USP25: variants seen among roughly 807,000 people sequenced by gnomAD.
USP25 encodes ubiquitin carboxyl-terminal hydrolase 25.
A neutral mutation model predicts 158.5 loss-of-function variants in USP25; 85 were observed. The observed-to-expected ratio is 0.54, with a 90% CI of 0.45 to 0.64. The LOEUF (loss-of-function observed/expected upper bound fraction) is 0.64, where lower values mean the gene tolerates loss of function less well. Among genes scored for constraint, USP25 ranks in the 30% least tolerant of loss-of-function variants. USP25 has a pLI of 0.00. For missense variants in USP25, 1,242 were observed against 1,327.3 expected (o/e 0.94, Z 1.00); for synonymous variants, 464 against 460.4 (o/e 1.01, Z -0.10).
chr21:15,828,994 T>G (rs1466518382), intron 14 of USP25, among the ~76,000 whole-genome samples: 1 of 152,142 alleles, frequency 6.6e-6, no homozygotes, highest in African/African-American at 2.4e-5. Context: ...CTCAGGATAT[T>G]TTTTTTCTTT....
intron 17 of USP25, among the ~76,000 whole-genome samples, chr21:15,834,533 G>A (rs1393709224): frequency 6.6e-6 from 1 of 151,778 alleles, no homozygotes; most frequent in African/African-American, 2.4e-5. Context: ...AGGTTTCCTT[G>A]CAGCATTACC....
chr21:15,831,727 G>A (rs1330635862), intron 16 of USP25, 98 bp downstream of exon 16: 1 of 1,009,546 alleles, frequency 9.9e-7, no homozygotes, highest in Non-Finnish European at 1.5e-6. Flanking sequence ...AGACGATGAA[G>A]GATGTGGTTA....
chr21:15,758,247 G>C (rs2033512253), intron 1 of USP25, among the ~76,000 whole-genome samples: 1 of 152,268 alleles, frequency 6.6e-6, no homozygotes, highest in South Asian at 2.1e-4. Flanking sequence ...GTATTAGTCT[G>C]TTCTCACGCT....
chr21:15,760,054 A>T (rs1349404294), intron 1 of USP25, among the ~76,000 whole-genome samples: 7 of 152,236 alleles, frequency 4.6e-5, no homozygotes, highest in Non-Finnish European at 1.0e-4. Flanking sequence ...GTGGCATGGC[A>T]GACACTGCCA....
chr21:15,877,547 C>G (rs1300480124), intron 24 of USP25: 1 of 296,598 alleles, frequency 3.4e-6, no homozygotes, highest in African/African-American at 2.2e-5. Flanking sequence ...ATAAGCCAAA[C>G]ATGACTGAAA....
chr21:15,775,505 C>CA (rs2034588209), intron 3 of USP25, among the ~76,000 whole-genome samples: 1 of 152,110 alleles, frequency 6.6e-6, no homozygotes, highest in Non-Finnish European at 1.5e-5. Context: ...GCCTCTTGGA[C>CA]TACTGAGTTC....
intron 17 of USP25, 80 bp downstream of exon 17, chr21:15,833,628 A>G: frequency 6.2e-6 from 8 of 1,286,374 alleles, no homozygotes; most frequent in Non-Finnish European, 8.6e-6. Context: ...AAAAAGTTTT[A>G]GCTATCTTAA....
chr21:15,869,486 A>G (rs1442943790), intron 22 of USP25, among the ~76,000 whole-genome samples: 4 of 152,026 alleles, frequency 2.6e-5, no homozygotes, highest in Admixed American at 6.6e-5. Flanking sequence ...TACATGCCCT[A>G]TAGTTGTTTT....
intron 10 of USP25, among the ~76,000 whole-genome samples, chr21:15,820,915 G>A (rs2037199526): frequency 1.3e-5 from 2 of 151,880 alleles, no homozygotes; most frequent in African/African-American, 4.8e-5. Flanking sequence ...TTTAAATTTT[G>A]TGGATGATAT....
At chr21:15,785,407 A>C (rs1192675225) in intron 4 of USP25, among the ~76,000 whole-genome samples, 2 of 152,192 alleles carry the variant, frequency 1.3e-5, no homozygotes, top group African/African-American at 4.8e-5. Context: ...CAGAATACAC[A>C]TTCTTTTCAA....
In USP25 at chr21:15,798,028, A is replaced by G. The variant is rs142781827; in HGVS notation, c.556-1729A>G. 4.5e-4 allele frequency among the ~76,000 whole-genome samples: 68 copies of G among 151,388 alleles called. No individual in the cohort carries two copies. The East Asian group carries it at 0.012, about 27-fold the overall frequency. On this transcript the variant is annotated intron_variant, in intron 5 of 25. Coordinates refer to ENST00000400183, the MANE Select transcript of USP25 (RefSeq NM_001283041.3). ...TTCAGTAATATCTGTGGTTTCCGGT[A>G]TTCAGAGGAGATTTTGGAATGTATC...
Position 15,878,551 on chromosome 21 carries a change from C to T in USP25, c.*76C>T, listed in dbSNP as rs1409347572. 5 of 1,453,582 alleles carry T rather than the reference C, an allele frequency of 3.4e-6. No individual in the cohort carries two copies. The highest frequency in any genetic ancestry group is 3.7e-6 in the Non-Finnish European group (4 of 1,085,390). 90.0% of individuals were successfully genotyped at this position (1,453,582 alleles called of 1,614,324 possible). On this transcript the variant is annotated 3_prime_UTR_variant, in exon 26 of 26. Transcript: ENST00000400183. ...CCTTGCCTTCCTGTCACAGGGTTTG[C>T]TTGTTGCTGCTATAGTTTTTAACTT...
intron 22 of USP25, among the ~76,000 whole-genome samples, chr21:15,867,365 A>G (rs1265438622): frequency 2.0e-5 from 3 of 152,110 alleles, no homozygotes; most frequent in Admixed American, 6.5e-5. Context: ...GGAAGAGGAA[A>G]GAGAGAGAAA....
At chr21:15,754,098 G>A (rs2033216633) in intron 1 of USP25, among the ~76,000 whole-genome samples, 1 of 152,154 alleles carries the variant, frequency 6.6e-6, no homozygotes, top group Non-Finnish European at 1.5e-5. Context: ...CAAAAGGACA[G>A]TTTTTCAAGG....
At chr21:15,801,281 A>G (rs2036121217) in intron 6 of USP25, among the ~76,000 whole-genome samples, 1 of 151,550 alleles carries the variant, frequency 6.6e-6, no homozygotes, top group Admixed American at 6.6e-5. Flanking sequence ...TATTTAAAAA[A>G]CAGTTGCTAT....
At chr21:15,793,146 A>T (rs1311124154) in intron 5 of USP25, among the ~76,000 whole-genome samples, 2 of 151,790 alleles carry the variant, frequency 1.3e-5, no homozygotes, top group East Asian at 1.9e-4. Context: ...GGTCAAGTAG[A>T]TGCTATCTCA....
chr21:15,789,921 CT>C (rs2035500014), intron 4 of USP25, among the ~76,000 whole-genome samples: 1 of 151,906 alleles, frequency 6.6e-6, no homozygotes, highest in African/African-American at 2.4e-5. Context: ...ATTAACCTTT[CT>C]TTTTTGAGCA....
chr21:15,870,711 C>A (rs908011481), intron 23 of USP25, among the ~76,000 whole-genome samples: 6 of 152,114 alleles, frequency 3.9e-5, no homozygotes, highest in Admixed American at 6.5e-5. Context: ...TGTTGTTGAA[C>A]ATTAACTTCC....
At chr21:15,762,037 T>TC (rs544977295) in intron 1 of USP25, among the ~76,000 whole-genome samples, 360 of 152,146 alleles carry the variant, frequency 2.4e-3, no homozygotes, top group African/African-American at 8.3e-3. Context: ...ATGTAAATAT[T>TC]CTGTTCCTGA....
Sources: gnomAD v4.1 joint callset for allele counts (sites outside exome capture counted in the v4.1 genomes callset) on GRCh38, gnomAD v4.1.1 for gene constraint, MANE v1.5 for transcripts, NCBI Gene and HGNC (gene_info 2026-07-23, HGNC 2026-07-21) for gene names.